PLD1: variants seen among roughly 807,000 people sequenced by gnomAD.
PLD1 encodes choline phosphatase 1.
In PLD1, 112 loss-of-function variants were observed where a neutral mutation model predicts 137.1. That is an observed-to-expected ratio of 0.82 (90% confidence interval 0.70 to 0.96). The LOEUF is 0.96. Among genes scored for constraint, PLD1 ranks in the 40% least tolerant of loss-of-function variants. The pLI, the probability that PLD1 is intolerant of heterozygous loss-of-function variation, is 0.00. For missense variants in PLD1, 1,321 were observed against 1,342.0 expected, an observed-to-expected ratio of 0.98 and a Z score of 0.24; for synonymous variants, 431 against 454.7, an observed-to-expected ratio of 0.95 and a Z score of 0.66.
In PLD1 at chr3:171,735,556, G is replaced by A; in HGVS notation, c.370C>T (p.Gln124Ter). ...WQVKRKFKHFQEFHRELLKYK... is the reference protein window; with the variant it reads ...WQVKRKFKHF The stretch of plus-strand genomic sequence containing the variant: ...TTGAGCAGCTCTCTGTGAAATTCTT[G>A]AAAATGCTTGAATTTCCTCTTAACT... Residue 124 changes from glutamine (Q) to a stop codon, truncating the protein, a stop_gained, in exon 4 of 27, where the codon CAA becomes TAA. Transcript: ENST00000351298. LOFTEE classifies it high-confidence loss of function. The A allele has an allele frequency of 6.2e-7, 1 of 1,608,350 alleles. No homozygotes were observed. Among genetic ancestry groups the A allele is most frequent in the Non-Finnish European group, 8.5e-7 (1 of 1,174,764 alleles).
At chr3:171,749,579 T>C (rs902147075) in intron 1 of PLD1, among the ~76,000 whole-genome samples, 2 of 152,182 alleles carry the variant, frequency 1.3e-5, no homozygotes, top group Admixed American at 1.3e-4. Context: ...TTCTGGAATA[T>C]ATATATGAAA....
intron 12 of PLD1, among the ~76,000 whole-genome samples, chr3:171,692,989 A>G (rs968911717): frequency 3.9e-5 from 6 of 152,210 alleles, no homozygotes; most frequent in African/African-American, 1.2e-4. Context: ...AGAATCAATA[A>G]CTGATTAAAG....
At chr3:171,660,396 CA>C (rs1020563862) in intron 20 of PLD1, among the ~76,000 whole-genome samples, 33 of 152,260 alleles carry the variant, frequency 2.2e-4, no homozygotes, top group Middle Eastern at 3.4e-3. Flanking sequence ...AGAAGCTTAG[CA>C]TGCCTCAGCA....
At chr3:171,629,012 G>A (rs1286941395) in intron 23 of PLD1, among the ~76,000 whole-genome samples, 2 of 146,882 alleles carry the variant, frequency 1.4e-5, no homozygotes, top group African/African-American at 5.0e-5. Flanking sequence ...TTCTGGCCAG[G>A]GCAATTAGGC....
At chr3:171,724,914 C>A (rs1718391542) in intron 7 of PLD1, 126 bp from the exon 8 acceptor site, 6 of 686,670 alleles carry the variant, frequency 8.7e-6, no homozygotes, top group Non-Finnish European at 1.6e-5. Context: ...CTACTCTCTC[C>A]TCCTCGCTCT....
chr3:171,648,834 G>A (rs989957729), intron 21 of PLD1, among the ~76,000 whole-genome samples: 1 of 152,180 alleles, frequency 6.6e-6, no homozygotes, highest in African/African-American at 2.4e-5. Flanking sequence ...TATTACAGGC[G>A]TGAGCCACCG....
intron 1 of PLD1, among the ~76,000 whole-genome samples, chr3:171,750,689 AC>A (rs1233703301): frequency 6.6e-6 from 1 of 152,236 alleles, no homozygotes; most frequent in Non-Finnish European, 1.5e-5. Flanking sequence ...CACACTAATG[AC>A]GATAAACTTC....
At chr3:171,622,279 A>C (rs1733706890) in intron 23 of PLD1, among the ~76,000 whole-genome samples, 1 of 152,248 alleles carries the variant, frequency 6.6e-6, no homozygotes, top group African/African-American at 2.4e-5. Context: ...GGAATTTGTT[A>C]AAAGCAGATT....
At position 171,692,388 on chromosome 3, in the gene PLD1, C is replaced by G; in HGVS notation, c.1282G>C (p.Gly428Arg). ...MLYKEVELAL[G>R]INSEYTKRTL... ...CTCTTGGTGTATTCACTATTGATGC[C>G]AAGAGCGAGTTCCACCTCTTTGTAG... is the stretch of plus-strand genomic sequence containing the variant. Residue 428 changes from glycine to arginine, a missense_variant, in exon 13 of 27, where the codon GGC becomes CGC. Coordinates refer to ENST00000351298, the MANE Select transcript of PLD1 (RefSeq NM_002662.5). The G allele has an allele frequency of 6.2e-7, 1 of 1,607,444 alleles. No individual in the cohort carries two copies. The highest frequency in any genetic ancestry group is 8.5e-7 in the Non-Finnish European group (1 of 1,173,870).
chr3:171,737,531 C>T lies in PLD1; in HGVS notation c.288+1G>A. ...AAGGGTGAGTCCATAAACGCTCTGACCCTTGTTGTAGATGTGAAGCGTTCC... is the reference window on the plus strand; with the variant it reads ...AAGGGTGAGTCCATAAACGCTCTGATCCTTGTTGTAGATGTGAAGCGTTCC... On this transcript the variant is annotated splice_donor_variant, in intron 3 of 26. Transcript: ENST00000351298. LOFTEE classifies it high-confidence loss of function. 20 of 1,606,094 alleles carry T rather than the reference C, an allele frequency of 1.2e-5. No individual in the cohort carries two copies. Among genetic ancestry groups the T allele is most frequent in the Non-Finnish European group, 1.7e-5 (20 of 1,177,978 alleles).
At chr3:171,657,964 A>G (rs979243358) in intron 21 of PLD1, among the ~76,000 whole-genome samples, 1 of 152,172 alleles carries the variant, frequency 6.6e-6, no homozygotes, top group Non-Finnish European at 1.5e-5. Context: ...TCAAAAATAA[A>G]AAGTCAAATA....
At chr3:171,626,518 C>T (rs1197969234) in intron 23 of PLD1, among the ~76,000 whole-genome samples, 1 of 152,152 alleles carries the variant, frequency 6.6e-6, no homozygotes, top group Non-Finnish European at 1.5e-5. Flanking sequence ...AAAGATACTC[C>T]TCGAGAAGAG....
At chr3:171,779,912 C>G (rs1309914805) in intron 1 of PLD1, among the ~76,000 whole-genome samples, 5 of 150,550 alleles carry the variant, frequency 3.3e-5, no homozygotes, top group Admixed American at 2.6e-4. Flanking sequence ...GTCTGAGATT[C>G]AGGACTGGGG....
chr3:171,760,751 G>C (rs1578428510), intron 1 of PLD1, among the ~76,000 whole-genome samples: 1 of 152,282 alleles, frequency 6.6e-6, no homozygotes, highest in Middle Eastern at 3.4e-3. Context: ...GAGCTTAAGG[G>C]GGACCTGAGG....
chr3:171,758,243 T>G (rs1721160288), intron 1 of PLD1, among the ~76,000 whole-genome samples: 9 of 152,076 alleles, frequency 5.9e-5, no homozygotes, highest in Admixed American at 5.9e-4. Context: ...GAAACTGAGG[T>G]TTAGAGGGAT....
At chr3:171,768,616 C>A (rs867341692) in intron 1 of PLD1, among the ~76,000 whole-genome samples, 3 of 152,350 alleles carry the variant, frequency 2.0e-5, no homozygotes, top group South Asian at 2.1e-4. Flanking sequence ...TTCTTCAATT[C>A]TTTCCTCAGA....
intron 23 of PLD1, among the ~76,000 whole-genome samples, chr3:171,631,100 A>C (rs1373589325): frequency 1.3e-5 from 2 of 152,162 alleles, no homozygotes; most frequent in East Asian, 3.9e-4. Flanking sequence ...AACCAAACCT[A>C]ATGAAGTTAA....
At chr3:171,809,961 A>G (rs1724046535) in intron 1 of PLD1, 1 of 152,378 alleles carries the variant, frequency 6.6e-6, no homozygotes, top group African/African-American at 2.4e-5. Flanking sequence ...CCTGGTTGGT[A>G]CGGGATGCCG....
At position 171,738,062 on chromosome 3, in the gene PLD1, G is replaced by A. The variant is rs750719318; in HGVS notation, c.-11C>T. 1.2e-6 allele frequency: 2 copies of A among 1,609,074 alleles called. No homozygotes were observed. Among genetic ancestry groups the A allele is most frequent in the Admixed American group, 1.7e-5 (1 of 59,202 alleles). ...GTTTTTCAGTGACATGTTAACTTTG[G>A]ACAGAGTAAAAGCAAAGGGGCTAGG... On this transcript the variant is annotated 5_prime_UTR_variant, in exon 2 of 27. Transcript: ENST00000351298.
Sources: gnomAD v4.1 joint callset for allele counts (sites outside exome capture counted in the v4.1 genomes callset) on GRCh38, gnomAD v4.1.1 for gene constraint, MANE v1.5 for transcripts, NCBI Gene and HGNC (gene_info 2026-07-23, HGNC 2026-07-21) for gene names.